Variants in GSTA2 observed in about 807,000 individuals in gnomAD.
GSTA2 encodes the protein glutathione S-transferase A2.
A neutral mutation model predicts 22.4 loss-of-function variants in GSTA2; 27 were observed. The ratio of observed to expected loss-of-function variants is 1.21; its 90% CI spans 0.89 to 1.67. The LOEUF (loss-of-function observed/expected upper bound fraction) is 1.67, where lower values mean the gene tolerates loss of function less well. GSTA2 is among the 40% of genes most tolerant of loss of function. GSTA2 has a pLI of 0.00. For missense variants in GSTA2, 302 were observed against 260.2 expected (o/e 1.16, Z -1.11); for synonymous variants, 121 against 86.8 (o/e 1.39, Z -2.19).
At position 52,756,245 on chromosome 6, in the gene GSTA2, A is replaced by C; in HGVS notation, c.139+13T>G. 6.3e-7 allele frequency: 1 copy of C among 1,591,868 alleles called. No homozygotes were observed. Among genetic ancestry groups the C allele is most frequent in the African/African-American group, 1.3e-5 (1 of 74,540 alleles). Reference sequence around the variant, plus strand: ...AGATACCCTCATTAGAGAAACTTAGAGGTTGATCTTACCATTTCTTAACTT... The same window carrying C: ...AGATACCCTCATTAGAGAAACTTAGCGGTTGATCTTACCATTTCTTAACTT... On this transcript the variant is annotated intron_variant, in intron 3 of 6. Coordinates refer to ENST00000493422, the MANE Select transcript of GSTA2 (RefSeq NM_000846.5).
At chr6:52,751,270 A>C (rs1421534231) in intron 6 of GSTA2, among the ~76,000 whole-genome samples, 3 of 152,200 alleles carry the variant, frequency 2.0e-5, no homozygotes, top group South Asian at 2.1e-4. Context: ...AAAGGACATC[A>C]CAGAGAACTC....
chr6:52,758,203 G>A lies in GSTA2; in HGVS notation c.-30-226C>T, dbSNP rs139686862. On this transcript the variant is annotated intron_variant, in intron 1 of 6. Transcript: ENST00000493422. ...TCTCAAGTTTTCACTGTTTAACTCT[G>A]AATTTTCTTGGCAGCCTAAGAGGTG... Among the ~76,000 whole-genome samples, 224 of 152,214 alleles carry A rather than the reference G, an allele frequency of 1.5e-3. 2 individuals are homozygous for A. The East Asian group carries it at 0.034, about 23-fold the overall frequency.
intron 4 of GSTA2, among the ~76,000 whole-genome samples, chr6:52,754,719 T>G (rs947597846): frequency 6.6e-5 from 10 of 152,142 alleles, no homozygotes; most frequent in Admixed American, 2.6e-4. Flanking sequence ...CAGGGTGCTG[T>G]GTCCATGGAC....
chr6:52,751,590 A>G lies in GSTA2; in HGVS notation c.533T>C (p.Phe178Ser). The G allele has an allele frequency of 1.9e-6, 3 of 1,614,014 alleles. No homozygotes were observed. Among genetic ancestry groups the G allele is most frequent in the Non-Finnish European group, 2.5e-6 (3 of 1,179,966 alleles). Residue 178 changes from phenylalanine (F) to serine (S), a missense_variant, in exon 6 of 7, where the codon TTC becomes TCC. Phe to Ser is a radical substitution (Grantham distance 155). Transcript: ENST00000493422. ...GAAATGGGTCACCTTCAGCAGAGGGAAGCTGGAAATAAGGCTAGAGTCAAG... is the reference window on the plus strand; with the variant it reads ...GAAATGGGTCACCTTCAGCAGAGGGGAGCTGGAAATAAGGCTAGAGTCAAG... ...EELDSSLISS[F>S]PLLKALKTRI...
chr6:52,756,795 C>A (rs2180318), intron 2 of GSTA2, among the ~76,000 whole-genome samples: 2,730 of 152,350 alleles, frequency 0.018, 86 homozygotes, highest in African/African-American at 0.061. Flanking sequence ...CTAAGGGTGA[C>A]ATAGGTCGCC....
intron 3 of GSTA2, among the ~76,000 whole-genome samples, chr6:52,755,813 T>G (rs1434314025): frequency 1.3e-5 from 2 of 151,858 alleles, no homozygotes; most frequent in Non-Finnish European, 2.9e-5. Flanking sequence ...TCTGTGCTCT[T>G]CAAAGTCTGC....
chr6:52,755,117 A>G (rs535114229), intron 3 of GSTA2, 42 bp from the exon 4 acceptor site: 1 of 1,606,954 alleles, frequency 6.2e-7, no homozygotes, highest in South Asian at 1.1e-5. Context: ...GTGTCTATGA[A>G]ACCCACCATT....
intron 1 of GSTA2, among the ~76,000 whole-genome samples, chr6:52,760,499 A>G (rs1762933071): frequency 6.6e-6 from 1 of 152,144 alleles, no homozygotes; most frequent in Non-Finnish European, 1.5e-5. Flanking sequence ...ACCTTCTGCA[A>G]CAACCCTGGG....
At chr6:52,759,275 G>A (rs1034789538) in intron 1 of GSTA2, among the ~76,000 whole-genome samples, 8 of 152,146 alleles carry the variant, frequency 5.3e-5, no homozygotes, top group African/African-American at 1.9e-4. Context: ...AAATTTGATA[G>A]CCCTTGCTCT....
At chr6:52,751,536 AG>A in intron 6 of GSTA2, 40 bp downstream of exon 6, 1 of 1,613,058 alleles carries the variant, frequency 6.2e-7, no homozygotes, top group Non-Finnish European at 8.5e-7. Flanking sequence ...CCAAGATGGG[AG>A]ATGTGGGTCT....
At chr6:52,759,528 A>G (rs1423900755) in intron 1 of GSTA2, among the ~76,000 whole-genome samples, 1 of 146,782 alleles carries the variant, frequency 6.8e-6, no homozygotes. Context: ...GTGGAACAAA[A>G]ATATACTTGC....
At chr6:52,760,740 CGA>C (rs1175118781) in intron 1 of GSTA2, among the ~76,000 whole-genome samples, 1 of 152,062 alleles carries the variant, frequency 6.6e-6, no homozygotes, top group African/African-American at 2.4e-5. Context: ...AAGGAGAGGG[CGA>C]GAGGGGAACA....
intron 6 of GSTA2, among the ~76,000 whole-genome samples, chr6:52,751,330 CT>C (rs2127284423): frequency 6.6e-6 from 1 of 152,270 alleles, no homozygotes; most frequent in East Asian, 1.9e-4. Context: ...ATGCTGGGCC[CT>C]GGGTCCTTTC....
intron 1 of GSTA2, among the ~76,000 whole-genome samples, chr6:52,759,438 T>C (rs1228314977): frequency 2.0e-5 from 3 of 152,162 alleles, no homozygotes; most frequent in Admixed American, 6.5e-5. Flanking sequence ...GACTTAGGAA[T>C]AGTTGCGTTT....
intron 2 of GSTA2, among the ~76,000 whole-genome samples, chr6:52,756,672 A>G (rs1279850002): frequency 2.6e-5 from 4 of 152,248 alleles, no homozygotes; most frequent in Non-Finnish European, 5.9e-5. Flanking sequence ...AGATCAGACC[A>G]CAACCTTGTG....
chr6:52,758,882 A>G (rs1762899009), intron 1 of GSTA2, among the ~76,000 whole-genome samples: 19 of 152,176 alleles, frequency 1.2e-4, no homozygotes, highest in Admixed American at 1.2e-3. Flanking sequence ...TTATCCTACA[A>G]AAATTACCTA....
intron 1 of GSTA2, among the ~76,000 whole-genome samples, chr6:52,759,656 C>G (rs1433297136): frequency 1.6e-5 from 2 of 127,752 alleles, no homozygotes; most frequent in African/African-American, 3.0e-5. Context: ...GCGATCTTGG[C>G]TCACTACAAC....
At chr6:52,756,410 A>G in intron 2 of GSTA2, 101 bp from the exon 3 acceptor site, 3 of 991,692 alleles carry the variant, frequency 3.0e-6, no homozygotes, top group Non-Finnish European at 4.7e-6. Context: ...AGAATATAAG[A>G]TTTCTGAGTT....
chr6:52,756,805 C>T (rs767326145), intron 2 of GSTA2, among the ~76,000 whole-genome samples: 5 of 152,230 alleles, frequency 3.3e-5, no homozygotes, highest in Admixed American at 6.5e-5. Context: ...CATAGGTCGC[C>T]ACTGTTGCAC....
Sources: gnomAD v4.1 joint callset for allele counts (sites outside exome capture counted in the v4.1 genomes callset) on GRCh38, gnomAD v4.1.1 for gene constraint, MANE v1.5 for transcripts, NCBI Gene and HGNC (gene_info 2026-07-23, HGNC 2026-07-21) for gene names.